Variants in ZPLD1 observed in about 807,000 individuals in gnomAD.
The protein encoded by ZPLD1 is zona pellucida like domain containing 1.
Under a neutral mutation model 47.2 loss-of-function variants are expected in ZPLD1, and 34 were observed. The ratio of observed to expected loss-of-function variants is 0.72; its 90% confidence interval spans 0.55 to 0.96. The LOEUF (loss-of-function observed/expected upper bound fraction) is 0.96. ZPLD1 is among the 40% of genes least tolerant of loss of function. ZPLD1 has a pLI of 0.00. For synonymous variants in ZPLD1, 176 were observed against 186.2 expected (o/e 0.95, Z 0.45); for missense variants, 512 against 505.8 (o/e 1.01, Z -0.12).
chr3:102,434,250 T>G (rs1161290257), upstream of ZPLD1, among the ~76,000 whole-genome samples: 1 of 152,202 alleles, frequency 6.6e-6, no homozygotes, highest in Non-Finnish European at 1.5e-5. Flanking sequence ...ACAAAGATTA[T>G]TTTATATTAA....
intron 7 of ZPLD1, among the ~76,000 whole-genome samples, chr3:102,407,380 C>G (rs1350614188): frequency 2.4e-5 from 2 of 82,938 alleles, no homozygotes; most frequent in Admixed American, 1.7e-4. Flanking sequence ...TTTATAGAAG[C>G]CTTGATTTTC....
intron 7 of ZPLD1, among the ~76,000 whole-genome samples, chr3:102,395,831 C>T (rs2107287780): frequency 6.6e-6 from 1 of 152,222 alleles, no homozygotes; most frequent in South Asian, 2.1e-4. Context: ...TAATTTGTAT[C>T]AATTGTATAT....
chr3:102,412,060 T>C (rs1706752684), intron 7 of ZPLD1, among the ~76,000 whole-genome samples: 1 of 151,808 alleles, frequency 6.6e-6, no homozygotes, highest in African/African-American at 2.4e-5. Flanking sequence ...AGGGCTTCTA[T>C]GTTGCAGAAT....
At chr3:102,450,789 G>GA (rs1343503885) in intron 3 of ZPLD1, among the ~76,000 whole-genome samples, 1 of 151,988 alleles carries the variant, frequency 6.6e-6, no homozygotes, top group Non-Finnish European at 1.5e-5. Flanking sequence ...TGTAGATAGA[G>GA]AAAAATCAGT....
In ZPLD1 at chr3:102,435,082, C is replaced by T. The variant is rs749928912; in HGVS notation, c.-195C>T. ...TTCAGAAAAGTATTTAGGGACTGTG[C>T]TAAAATAGCATCTCCAAGCTTGCTA... On this transcript the variant is annotated 5_prime_UTR_variant, in exon 1 of 12. Transcript: ENST00000466937. The T allele has an allele frequency of 1.7e-5, 28 of 1,613,500 alleles. No homozygotes were observed. The highest frequency in any genetic ancestry group is 2.3e-5 in the Non-Finnish European group (27 of 1,179,488).
intron 10 of ZPLD1, among the ~76,000 whole-genome samples, chr3:102,476,717 A>G (rs907684274): frequency 1.3e-5 from 2 of 152,148 alleles, no homozygotes; most frequent in African/African-American, 2.4e-5. Flanking sequence ...TTGTCAGGCA[A>G]GAAAACAGCA....
At chr3:102,390,595 C>A (rs527966018) in intron 6 of ZPLD1, among the ~76,000 whole-genome samples, 1 of 152,292 alleles carries the variant, frequency 6.6e-6, no homozygotes, top group African/African-American at 2.4e-5. Context: ...AGTTCCTCTA[C>A]AGAACAGAGA....
At chr3:102,407,611 G>A (rs1257261239) in intron 7 of ZPLD1, among the ~76,000 whole-genome samples, 1 of 150,560 alleles carries the variant, frequency 6.6e-6, no homozygotes, top group Non-Finnish European at 1.5e-5. Flanking sequence ...AGTATTTATT[G>A]ATATTTTGCT....
At chr3:102,419,920 A>G (rs1017344095) in intron 8 of ZPLD1, among the ~76,000 whole-genome samples, 1 of 83,744 alleles carries the variant, frequency 1.2e-5, no homozygotes, top group Admixed American at 1.2e-4. Context: ...TTTTTTCTGT[A>G]TTTAAGCTGG....
At chr3:102,456,473 A>G (rs1241905901) in intron 5 of ZPLD1, 99 bp downstream of exon 5, 9 of 1,066,422 alleles carry the variant, frequency 8.4e-6, no homozygotes, top group Non-Finnish European at 1.1e-5. Context: ...TTTATTAAAA[A>G]TAGTTAAATT....
chr3:102,391,959 TC>T (rs1310974239), intron 6 of ZPLD1, among the ~76,000 whole-genome samples: 1 of 152,048 alleles, frequency 6.6e-6, no homozygotes, highest in African/African-American at 2.4e-5. Context: ...GTTTTACATT[TC>T]TAAAGGGCCA....
At chr3:102,451,460 G>C (rs1318049858) in intron 3 of ZPLD1, among the ~76,000 whole-genome samples, 1 of 152,050 alleles carries the variant, frequency 6.6e-6, no homozygotes, top group Non-Finnish European at 1.5e-5. Flanking sequence ...TCTTGTTTCA[G>C]GCTTTTTATC....
intron 4 of ZPLD1, among the ~76,000 whole-genome samples, chr3:102,453,738 CT>C (rs1707373878): frequency 6.6e-6 from 1 of 152,198 alleles, no homozygotes. Context: ...CACACTCTCT[CT>C]AGTCATTGTG....
intron 7 of ZPLD1, among the ~76,000 whole-genome samples, chr3:102,416,663 G>C (rs189554430): frequency 4.3e-4 from 66 of 151,954 alleles, no homozygotes; most frequent in Non-Finnish European, 8.0e-4. Context: ...GTACATATTT[G>C]GGGGTACATG....
chr3:102,456,887 T>C (rs1707425476), intron 5 of ZPLD1, among the ~76,000 whole-genome samples: 1 of 152,234 alleles, frequency 6.6e-6, no homozygotes, highest in Non-Finnish European at 1.5e-5. Flanking sequence ...AGGGTGCTCA[T>C]GATTCTCCCA....
intron 7 of ZPLD1, among the ~76,000 whole-genome samples, chr3:102,410,674 A>G (rs1706739346): frequency 6.6e-6 from 1 of 151,788 alleles, no homozygotes; most frequent in Non-Finnish European, 1.5e-5. Context: ...GAAGCCATTT[A>G]AAGTTTATTC....
chr3:102,435,769 A>G (rs1345026235), intron 1 of ZPLD1, among the ~76,000 whole-genome samples: 1 of 151,360 alleles, frequency 6.6e-6, no homozygotes, highest in African/African-American at 2.4e-5. Flanking sequence ...CAGCCTCCCG[A>G]GTAGCTGGGA....
intron 6 of ZPLD1, among the ~76,000 whole-genome samples, chr3:102,458,645 C>T (rs534840138): frequency 1.7e-4 from 26 of 152,134 alleles, no homozygotes; most frequent in Non-Finnish European, 3.2e-4. Context: ...ATATAATGAG[C>T]TATAAATATT....
intron 6 of ZPLD1, among the ~76,000 whole-genome samples, chr3:102,391,747 C>G (rs370511868): frequency 6.6e-6 from 1 of 151,810 alleles, no homozygotes; most frequent in African/African-American, 2.4e-5. Context: ...TGCAGATTTG[C>G]GAGCAAAATA....
Sources: allele counts gnomAD v4.1 joint callset (sites outside exome capture counted in the v4.1 genomes callset), GRCh38; gene constraint gnomAD v4.1.1; transcripts MANE v1.5; gene names NCBI Gene and HGNC (gene_info 2026-07-23, HGNC 2026-07-21).